WDFY1: variants seen among roughly 807,000 people sequenced by gnomAD.
The protein encoded by WDFY1 is WD repeat and FYVE domain containing 1, also known as WD repeat and FYVE domain-containing protein 1.
WDFY1 carries 32 observed loss-of-function variants against 56.4 expected under a neutral mutation model. That is an observed-to-expected ratio of 0.57 (90% CI 0.43 to 0.76). WDFY1 has a LOEUF of 0.76. Among genes scored for constraint, WDFY1 ranks in the 30% least tolerant of loss-of-function variants. The probability of loss-of-function intolerance (pLI) is 0.00; values close to 1 mark genes in which losing one functional copy is unlikely to be tolerated. For synonymous variants in WDFY1, 192 were observed against 197.3 expected (o/e 0.97, Z 0.23); for missense variants, 480 against 545.7 (o/e 0.88, Z 1.20).
chr2:223,883,657 AT>A (rs1317248494), intron 9 of WDFY1, among the ~76,000 whole-genome samples: 4 of 151,902 alleles, frequency 2.6e-5, no homozygotes, highest in Non-Finnish European at 4.4e-5. Context: ...TAATTAATTT[AT>A]TTTTTGAGAT....
At chr2:223,882,866 T>C (rs1693099387) in intron 9 of WDFY1, among the ~76,000 whole-genome samples, 2 of 152,118 alleles carry the variant, frequency 1.3e-5, no homozygotes, top group African/African-American at 4.8e-5. Context: ...TAGCTGGCAC[T>C]ACACGTGTCT....
At chr2:223,925,669 T>C (rs961734103) in intron 1 of WDFY1, among the ~76,000 whole-genome samples, 4 of 152,202 alleles carry the variant, frequency 2.6e-5, no homozygotes, top group African/African-American at 4.8e-5. Context: ...TTACCCATAA[T>C]AGAACTTCTT....
At chr2:223,938,729 G>A (rs1458775045) in intron 1 of WDFY1, among the ~76,000 whole-genome samples, 1 of 152,062 alleles carries the variant, frequency 6.6e-6, no homozygotes. Flanking sequence ...ACTCTTTGGA[G>A]TGCTGACCGT....
chr2:223,915,543 A>G (rs1282541607), intron 2 of WDFY1, among the ~76,000 whole-genome samples: 1 of 152,244 alleles, frequency 6.6e-6, no homozygotes, highest in African/African-American at 2.4e-5. Context: ...CTCTATTCTA[A>G]TGAGCATGAA....
In WDFY1 at chr2:223,925,856, G is replaced by C. The variant is rs546294848; in HGVS notation, c.138-7846C>G. Among the ~76,000 whole-genome samples, 5 of 152,216 alleles carry C rather than the reference G, an allele frequency of 3.3e-5. No individual in the cohort carries two copies. The South Asian group carries it at 1.0e-3, about 32-fold the overall frequency. ...CCATATGAAACTCTTTAAACATTCAGCTTTTATCATGAGATTACAACAATT... is the reference window on the plus strand; with the variant it reads ...CCATATGAAACTCTTTAAACATTCACCTTTTATCATGAGATTACAACAATT... On this transcript the variant is annotated intron_variant, in intron 1 of 11. Transcript: ENST00000233055.
intron 8 of WDFY1, among the ~76,000 whole-genome samples, chr2:223,892,115 T>A (rs976930425): frequency 3.3e-5 from 5 of 152,010 alleles, no homozygotes; most frequent in Non-Finnish European, 7.4e-5. Flanking sequence ...GCTGGGATTA[T>A]AGGCACCTGC....
intron 6 of WDFY1, among the ~76,000 whole-genome samples, chr2:223,897,367 TATATATATATATATA>T (rs1468396561): frequency 9.5e-5 from 3 of 31,572 alleles, no homozygotes; most frequent in African/African-American, 2.2e-4. Context: ...TATATATATA[TATATATATATATATA>T]TATATATATT....
At chr2:223,892,784 C>A (rs1004804165) in intron 8 of WDFY1, among the ~76,000 whole-genome samples, 21 of 152,200 alleles carry the variant, frequency 1.4e-4, no homozygotes, top group Non-Finnish European at 2.9e-4. Context: ...CCATAAAGGA[C>A]AGGATACTGA....
At chr2:223,888,515 T>C (rs752565805) in intron 8 of WDFY1, among the ~76,000 whole-genome samples, 1 of 152,158 alleles carries the variant, frequency 6.6e-6, no homozygotes, top group Non-Finnish European at 1.5e-5. Context: ...AATATTTTAA[T>C]GTTTTCAAGT....
chr2:223,894,274 C>T lies in WDFY1; in HGVS notation c.791G>A (p.Gly264Asp), dbSNP rs775529880. 1 of 1,614,194 alleles carries T rather than the reference C, an allele frequency of 6.2e-7. No homozygotes were observed. ...ATCCATGTTCCACACTGCAATTCCGCCGTCCGAGGAACAGGAGACGAGCTG... is the reference window on the plus strand; with the variant it reads ...ATCCATGTTCCACACTGCAATTCCGTCGTCCGAGGAACAGGAGACGAGCTG... ...TRQLVSCSSD[G>D]GIAVWNMDVS... Residue 264 changes from glycine (G) to aspartate (D), a missense_variant, in exon 8 of 12, where the codon GGC (glycine) becomes GAC (aspartate). By Grantham distance (94) the Gly-to-Asp change is moderately conservative (BLOSUM62 -1). Coordinates refer to ENST00000233055, the MANE Select transcript of WDFY1 (RefSeq NM_020830.5).
At chr2:223,890,252 A>T (rs1693245423) in intron 8 of WDFY1, among the ~76,000 whole-genome samples, 1 of 152,162 alleles carries the variant, frequency 6.6e-6, no homozygotes, top group South Asian at 2.1e-4. Flanking sequence ...CAGGTGGATC[A>T]CTTGAGGCCA....
chr2:223,886,481 T>C (rs958550063), intron 8 of WDFY1, among the ~76,000 whole-genome samples: 1 of 152,080 alleles, frequency 6.6e-6, no homozygotes, highest in African/African-American at 2.4e-5. Flanking sequence ...TCCCAGCACT[T>C]TGGGAGGCCA....
chr2:223,941,179 ACTC>A (rs1412556017), intron 1 of WDFY1, among the ~76,000 whole-genome samples: 1 of 149,518 alleles, frequency 6.7e-6, no homozygotes, highest in African/African-American at 2.5e-5. Flanking sequence ...CTGTTCTTGA[ACTC>A]CTAACCTCAG....
intron 6 of WDFY1, among the ~76,000 whole-genome samples, chr2:223,898,549 G>C (rs1030120636): frequency 4.6e-5 from 7 of 151,982 alleles, no homozygotes; most frequent in Admixed American, 6.6e-5. Flanking sequence ...GGAATTACAG[G>C]TATGCGCCAC....
intron 3 of WDFY1, among the ~76,000 whole-genome samples, chr2:223,906,954 CCATTATTAT>C (rs753231835): frequency 3.6e-4 from 53 of 148,624 alleles, no homozygotes; most frequent in Middle Eastern, 3.5e-3. Flanking sequence ...ATTACTACTA[CCATTATTAT>C]TATTATTATT....
intron 1 of WDFY1, among the ~76,000 whole-genome samples, chr2:223,936,527 GT>G (rs1694171351): frequency 6.6e-6 from 1 of 152,204 alleles, no homozygotes; most frequent in African/African-American, 2.4e-5. Flanking sequence ...GAAAAATGAG[GT>G]TTAAAAGATG....
At chr2:223,929,622 C>A (rs753098793) in intron 1 of WDFY1, among the ~76,000 whole-genome samples, 10 of 152,142 alleles carry the variant, frequency 6.6e-5, no homozygotes, top group Non-Finnish European at 1.0e-4. Flanking sequence ...CCTCCCTGAA[C>A]TTCCCTCTAC....
intron 8 of WDFY1, among the ~76,000 whole-genome samples, chr2:223,892,486 G>A (rs915934060): frequency 1.3e-5 from 2 of 152,104 alleles, no homozygotes; most frequent in Non-Finnish European, 2.9e-5. Flanking sequence ...TTATAGGGTA[G>A]TCTATTTCTT....
At chr2:223,906,448 T>C (rs1341375224) in intron 3 of WDFY1, among the ~76,000 whole-genome samples, 1 of 152,200 alleles carries the variant, frequency 6.6e-6, no homozygotes, top group Non-Finnish European at 1.5e-5. Context: ...AGTACACCTA[T>C]TTAATATACA....
Sources: allele counts gnomAD v4.1 joint callset (sites outside exome capture counted in the v4.1 genomes callset), GRCh38; gene constraint gnomAD v4.1.1; transcripts MANE v1.5; gene names NCBI Gene and HGNC (gene_info 2026-07-23, HGNC 2026-07-21).